Variants in TIMM22 observed in about 807,000 individuals in gnomAD.
TIMM22 encodes translocase of inner mitochondrial membrane 22, also known as mitochondrial import inner membrane translocase subunit Tim22.
A neutral mutation model predicts 18.3 loss-of-function variants in TIMM22; 12 were observed. The ratio of observed to expected loss-of-function variants is 0.65; its 90% CI spans 0.42 to 1.06. The LOEUF is 1.06. TIMM22 is among the 50% of genes least tolerant of loss of function. The pLI, the probability that TIMM22 is intolerant of heterozygous loss-of-function variation, is 0.00. For synonymous variants in TIMM22, 107 were observed against 98.5 expected (o/e 1.09, Z -0.51); for missense variants, 278 against 252.8 (o/e 1.10, Z -0.68).
At chr17:998,657 G>A in intron 1 of TIMM22, 122 bp from the exon 2 acceptor site, 1 of 963,008 alleles carries the variant, frequency 1.0e-6, no homozygotes, top group Non-Finnish European at 1.5e-6. Flanking sequence ...AGTTTGAGTG[G>A]CAAGAGGGGG....
Position 997,161 on chromosome 17 carries a change from A to G in TIMM22, c.19A>G (p.Asn7Asp), listed in dbSNP as rs879066343. Residue 7 changes from asparagine to aspartate, a missense_variant, in exon 1 of 4, where the codon AAT becomes GAT. Transcript: ENST00000327158. ...GACTGTCATGGCGGCGGCCGCCCCC[A>G]ATGCCGGAGGCTCGGCCCCTGAGAC... MAAAAP[N>D]AGGSAPETAG... is the part of the protein sequence containing the mutation. The G allele has an allele frequency of 6.2e-7, 1 of 1,608,510 alleles. No homozygotes were observed. Among genetic ancestry groups the G allele is most frequent in the Non-Finnish European group, 8.5e-7 (1 of 1,178,736 alleles).
chr17:999,358 T>TATATATATATATATACACAC (rs1408779709), intron 2 of TIMM22, among the ~76,000 whole-genome samples, 154 bp from the exon 3 acceptor site: 2 of 132,608 alleles, frequency 1.5e-5, no homozygotes, highest in African/African-American at 6.4e-5. Flanking sequence ...TATATATATA[T>TATATATATATATATACACAC]ACACGCTGTA....
In TIMM22 at chr17:997,151, G is replaced by A; in HGVS notation, c.9G>A (p.Ala3=). Residue 3 remains alanine (A), a synonymous_variant, in exon 1 of 4, where the codon GCG becomes GCA. Coordinates refer to ENST00000327158, the MANE Select transcript of TIMM22 (RefSeq NM_013337.4). The part of the protein sequence containing the change: MA[A]AAPNAGGSAP... ...CTTGGGCAGCGACTGTCATGGCGGC[G>A]GCCGCCCCCAATGCCGGAGGCTCGG... 1.2e-6 allele frequency: 2 copies of A among 1,608,186 alleles called. No homozygotes were observed. The highest frequency in any genetic ancestry group is 1.7e-6 in the Non-Finnish European group (2 of 1,178,654).
In TIMM22 at chr17:998,768, T is replaced by C. The variant is rs2069710473; in HGVS notation, c.239-11T>C. On this transcript the variant is annotated splice_polypyrimidine_tract_variant and intron_variant, in intron 1 of 3. Transcript: ENST00000327158. ...TGCCAAAGACACCTTCATCTCTGTG[T>C]TTGCTTCTAGGATTTGTCTTAGGAG... The C allele has an allele frequency of 1.9e-6, 3 of 1,609,382 alleles. No homozygotes were observed. Among genetic ancestry groups the C allele is most frequent in the Non-Finnish European group, 2.5e-6 (3 of 1,176,528 alleles).
At position 1,002,735 on chromosome 17, in the gene TIMM22, T is replaced by C. The variant is rs2069777676; in HGVS notation, c.*1647T>C. The C allele has an allele frequency of 6.6e-6, 1 of 152,168 alleles. No individual in the cohort carries two copies. Among genetic ancestry groups the C allele is most frequent in the African/African-American group, 2.4e-5 (1 of 41,428 alleles). 9.4% of individuals were successfully genotyped at this position (152,168 alleles called of 1,614,324 possible). ...TGAAGCAAGGGCAGACATTCCCACCTGGTACCTGTCAAAGTCCTAGGATGC... is the reference window on the plus strand; with the variant it reads ...TGAAGCAAGGGCAGACATTCCCACCCGGTACCTGTCAAAGTCCTAGGATGC... On this transcript the variant is annotated 3_prime_UTR_variant, in exon 4 of 4. Coordinates refer to ENST00000327158, the MANE Select transcript of TIMM22 (RefSeq NM_013337.4).
chr17:997,769 G>A (rs1345379556), intron 1 of TIMM22, among the ~76,000 whole-genome samples: 2 of 152,182 alleles, frequency 1.3e-5, no homozygotes, highest in Non-Finnish European at 2.9e-5. Flanking sequence ...GCCGAGATGT[G>A]CCACTGCTCT....
In TIMM22 at chr17:1,001,742, G is replaced by A. The variant is rs1162534038; in HGVS notation, c.*654G>A. 6.6e-6 allele frequency: 1 copy of A among 152,570 alleles called. No individual in the cohort carries two copies. Among genetic ancestry groups the A allele is most frequent in the Non-Finnish European group, 1.5e-5 (1 of 68,318 alleles). The allele number at this position is 152,570 out of a possible 1,614,324, so 9.5% of individuals were successfully genotyped here. On this transcript the variant is annotated 3_prime_UTR_variant, in exon 4 of 4. Transcript: ENST00000327158. ...AAAGAATGAGAAAGCTCCCAGGGAA[G>A]CGGGGGATGGGGCGCTGAGGCAGGG... is the stretch of plus-strand genomic sequence containing the variant.
In TIMM22 at chr17:997,142, C is replaced by T. The variant is rs765212306; in HGVS notation, c.-1C>T. On this transcript the variant is annotated 5_prime_UTR_variant, in exon 1 of 4. Coordinates refer to ENST00000327158, the MANE Select transcript of TIMM22 (RefSeq NM_013337.4). ...CGAGGGTTGCTTGGGCAGCGACTGT[C>T]ATGGCGGCGGCCGCCCCCAATGCCG... 7.5e-6 allele frequency: 12 copies of T among 1,608,594 alleles called. No homozygotes were observed. Among genetic ancestry groups the T allele is most frequent in the East Asian group, 2.2e-5 (1 of 44,834 alleles).
rs536550023 is a variant in TIMM22, at chr17:1,001,315, G to A, written c.*227G>A. On this transcript the variant is annotated 3_prime_UTR_variant, in exon 4 of 4. Transcript: ENST00000327158. Reference sequence around the variant, plus strand: ...AGCCAGCCTTCACAGAGGACGTCCCGTGCCAGATTCTCTCACAGCAGATCG... The same window carrying A: ...AGCCAGCCTTCACAGAGGACGTCCCATGCCAGATTCTCTCACAGCAGATCG... 21 of 486,134 alleles carry A rather than the reference G, an allele frequency of 4.3e-5. No individual in the cohort carries two copies. The highest frequency in any genetic ancestry group is 4.2e-4 in the East Asian group (11 of 26,196). The allele number at this position is 486,134 out of a possible 1,614,324, so 30.1% of individuals were successfully genotyped here. A position where few individuals can be genotyped will look rare whatever the true frequency, so the allele number is the denominator to read the frequency against.
At chr17:998,432 C>T (rs1399196033) in intron 1 of TIMM22, among the ~76,000 whole-genome samples, 1 of 152,192 alleles carries the variant, frequency 6.6e-6, no homozygotes, top group East Asian at 1.9e-4. Flanking sequence ...TAAAGCATTA[C>T]TGTGAATGTC....
chr17:1,000,587 T>C (rs918042760), intron 3 of TIMM22, among the ~76,000 whole-genome samples: 2 of 152,208 alleles, frequency 1.3e-5, no homozygotes, highest in Non-Finnish European at 2.9e-5. Context: ...ACGGACTGAC[T>C]TCTCCGCCGG....
intron 3 of TIMM22, among the ~76,000 whole-genome samples, chr17:1,000,503 T>C (rs114625900): frequency 2.6e-5 from 4 of 152,202 alleles, no homozygotes; most frequent in Non-Finnish European, 5.9e-5. Context: ...AAAGCCAGTT[T>C]TCTCATCTTC....
At chr17:1,000,066 A>ATTTTTTATT (rs79776948) in intron 3 of TIMM22, among the ~76,000 whole-genome samples, 21,838 of 150,518 alleles carry the variant, frequency 0.15, 1,751 homozygotes, top group Middle Eastern at 0.26. Context: ...TGCTCAGCTA[A>ATTTTTTATT]TTTTTATTTT....
chr17:1,001,120 G>GC lies in TIMM22; in HGVS notation c.*36dup. On this transcript the variant is annotated 3_prime_UTR_variant, in exon 4 of 4. Coordinates refer to ENST00000327158, the MANE Select transcript of TIMM22 (RefSeq NM_013337.4). ...TTGCCTGCAGGGAAGGATGATGCCA[G>GC]CCCCGGATCCGGGCTGCTCTCTGGA... is the stretch of plus-strand genomic sequence containing the variant. 1 of 1,610,732 alleles carries GC rather than the reference G, an allele frequency of 6.2e-7. No individual in the cohort carries two copies. Among genetic ancestry groups the GC allele is most frequent in the Non-Finnish European group, 8.5e-7 (1 of 1,178,030 alleles).
In TIMM22 at chr17:997,350, G is replaced by C; in HGVS notation, c.208G>C (p.Ala70Pro). The change falls in exon 1 of 4, where the codon GCT becomes CCT. Residue 70 changes from alanine to proline, a missense_variant. By Grantham distance (27) the Ala-to-Pro change is conservative. Coordinates refer to ENST00000327158, the MANE Select transcript of TIMM22 (RefSeq NM_013337.4). ...KMIEKAMESC[A>P]FKAALACVGG... ...GATCGAGAAGGCGATGGAAAGCTGC[G>C]CTTTCAAGGCTGCGCTGGCCTGCGT... The C allele has an allele frequency of 1.2e-6, 2 of 1,613,516 alleles. No homozygotes were observed. Among genetic ancestry groups the C allele is most frequent in the Non-Finnish European group, 1.7e-6 (2 of 1,179,766 alleles).
chr17:997,457 G>T (rs2069695208), intron 1 of TIMM22, 77 bp downstream of exon 1: 7 of 1,424,744 alleles, frequency 4.9e-6, no homozygotes, highest in Non-Finnish European at 5.7e-6. Flanking sequence ...AAGACCACGC[G>T]CCTGGGAGGC....
intron 3 of TIMM22, among the ~76,000 whole-genome samples, chr17:999,873 G>A (rs1791584492): frequency 6.6e-6 from 1 of 151,712 alleles, no homozygotes; most frequent in Non-Finnish European, 1.5e-5. Flanking sequence ...CCCACGAGAT[G>A]CAAGTAGCAC....
At chr17:999,735 G>C in intron 3 of TIMM22, 151 bp downstream of exon 3, 1 of 772,166 alleles carries the variant, frequency 1.3e-6, no homozygotes, top group Non-Finnish European at 2.1e-6. Context: ...CTCGGTTTTG[G>C]AAACTTGTAG....
intron 2 of TIMM22, 53 bp from the exon 3 acceptor site, chr17:999,459 T>C: frequency 6.3e-7 from 1 of 1,592,236 alleles, no homozygotes; most frequent in Non-Finnish European, 8.6e-7. Flanking sequence ...TCCTCCTTAA[T>C]GGTCTGCCTT....
Sources: allele counts gnomAD v4.1 joint callset (sites outside exome capture counted in the v4.1 genomes callset), GRCh38; gene constraint gnomAD v4.1.1; transcripts MANE v1.5; gene names NCBI Gene and HGNC (gene_info 2026-07-23, HGNC 2026-07-21).